Variants in ST3GAL3 observed in about 807,000 individuals in gnomAD.
ST3GAL3 encodes the protein ST3 beta-galactoside alpha-2,3-sialyltransferase 3.
In ST3GAL3, 21 loss-of-function variants were observed where a neutral mutation model predicts 50.1. That is an observed-to-expected ratio of 0.42 (90% CI 0.30 to 0.60). The LOEUF (loss-of-function observed/expected upper bound fraction) is 0.60, where lower values mean the gene tolerates loss of function less well. Among genes scored for constraint, ST3GAL3 ranks in the 20% least tolerant of loss-of-function variants. The pLI, the probability that ST3GAL3 is intolerant of heterozygous loss-of-function variation, is 0.19. For synonymous variants in ST3GAL3, 183 were observed against 190.0 expected, an observed-to-expected ratio of 0.96 and a Z score of 0.30; for missense variants, 353 against 489.4, an observed-to-expected ratio of 0.72 and a Z score of 2.63.
chr1:43,850,820 A>G, intron 5 of ST3GAL3: 1 of 1,076,170 alleles, frequency 9.3e-7, no homozygotes. Context: ...CAGCAACCCC[A>G]GCAATGGTGT....
chr1:43,841,184 G>A (rs2065312661), intron 5 of ST3GAL3: 1 of 152,418 alleles, frequency 6.6e-6, no homozygotes, highest in African/African-American at 2.4e-5. Flanking sequence ...TCAGGTGCAG[G>A]GTGTAAACTG....
intron 2 of ST3GAL3, among the ~76,000 whole-genome samples, chr1:43,770,517 T>C (rs1694738008): frequency 6.6e-6 from 1 of 152,180 alleles, no homozygotes; most frequent in African/African-American, 2.4e-5. Context: ...AAGCAAGCTG[T>C]CCTGGAGGCA....
At chr1:43,832,795 C>A (rs1264917475) in intron 4 of ST3GAL3, among the ~76,000 whole-genome samples, 4 of 152,192 alleles carry the variant, frequency 2.6e-5, no homozygotes, top group Non-Finnish European at 5.9e-5. Flanking sequence ...CTCCTCATGT[C>A]ATTATCCCAG....
chr1:43,923,263 CAAAAAA>C (rs35151641), intron 11 of ST3GAL3, among the ~76,000 whole-genome samples: 6 of 120,312 alleles, frequency 5.0e-5, no homozygotes, highest in Non-Finnish European at 3.5e-5. Context: ...GACCCTGTCT[CAAAAAA>C]AAAAAAAAAA....
intron 2 of ST3GAL3, among the ~76,000 whole-genome samples, chr1:43,785,777 A>G (rs181730896): frequency 9.9e-5 from 15 of 152,166 alleles, no homozygotes; most frequent in Non-Finnish European, 1.5e-5. Flanking sequence ...TTCCCAAAAG[A>G]GAGACCCTAT....
chr1:43,790,476 A>G (rs2057916437), intron 2 of ST3GAL3, among the ~76,000 whole-genome samples: 1 of 152,036 alleles, frequency 6.6e-6, no homozygotes, highest in Admixed American at 6.6e-5. Flanking sequence ...GCCTTACATC[A>G]TCTTGGTGCC....
intron 1 of ST3GAL3, among the ~76,000 whole-genome samples, chr1:43,729,394 A>AT (rs201131541): frequency 0.012 from 1,851 of 152,102 alleles, 40 homozygotes; most frequent in African/African-American, 0.042. Context: ...ATTAAAAACC[A>AT]TTTTTTTCCC....
intron 3 of ST3GAL3, among the ~76,000 whole-genome samples, chr1:43,807,341 A>C (rs1414756796): frequency 2.0e-5 from 3 of 152,046 alleles, no homozygotes; most frequent in Admixed American, 1.3e-4. Context: ...GCTTGAGCCC[A>C]GGGGGCAGAG....
intron 2 of ST3GAL3, among the ~76,000 whole-genome samples, chr1:43,763,782 G>A (rs1297983918): frequency 6.6e-6 from 1 of 152,140 alleles, no homozygotes; most frequent in Non-Finnish European, 1.5e-5. Flanking sequence ...GGAGGGGTGA[G>A]AGGAGAGAGT....
intron 9 of ST3GAL3, chr1:43,917,087 AG>A (rs1288016987): frequency 6.6e-6 from 1 of 152,118 alleles, no homozygotes; most frequent in Non-Finnish European, 1.5e-5. Flanking sequence ...AACAGCTTTG[AG>A]GTCTTTGACA....
chr1:43,898,626 A>G (rs2077748197), intron 7 of ST3GAL3, among the ~76,000 whole-genome samples: 1 of 152,164 alleles, frequency 6.6e-6, no homozygotes, highest in Non-Finnish European at 1.5e-5. Flanking sequence ...GGCAAGGCTT[A>G]AGTCCAGAAG....
chr1:43,727,002 A>G (rs972701204), intron 1 of ST3GAL3, among the ~76,000 whole-genome samples: 3 of 152,180 alleles, frequency 2.0e-5, no homozygotes, highest in Non-Finnish European at 2.9e-5. Context: ...TTCTAATTAC[A>G]TTATTCCTTC....
intron 9 of ST3GAL3, among the ~76,000 whole-genome samples, chr1:43,906,612 C>G (rs2079799298): frequency 6.7e-6 from 1 of 149,764 alleles, no homozygotes; most frequent in South Asian, 2.2e-4. Context: ...TCCTCCTCCT[C>G]CTGCTCTTCT....
At position 43,707,595 on chromosome 1, in the gene ST3GAL3, G is replaced by A. The variant is rs1661936671; in HGVS notation, c.-129G>A. 2.0e-5 allele frequency: 3 copies of A among 151,948 alleles called. No homozygotes were observed. In the South Asian group the frequency reaches 6.2e-4, roughly 31 times the overall value. 9.4% of individuals were successfully genotyped at this position (151,948 alleles called of 1,614,324 possible). A position where few individuals can be genotyped will look rare whatever the true frequency, so the allele number is the denominator to read the frequency against. ...CAGCGCGTTGTGGGCTCCCGCCGGG[G>A]TCCCCCGCGGCTGTCGCCGCCGCCT... On this transcript the variant is annotated 5_prime_UTR_variant, in exon 1 of 12. Transcript: ENST00000347631.
chr1:43,736,463 T>A, intron 2 of ST3GAL3, 83 bp downstream of exon 2: 1 of 1,612,900 alleles, frequency 6.2e-7, no homozygotes, highest in Non-Finnish European at 8.5e-7. Flanking sequence ...CGTCTCATAT[T>A]CTTCAGAGAT....
At chr1:43,877,333 A>G (rs542954517) in intron 5 of ST3GAL3, among the ~76,000 whole-genome samples, 192 of 152,316 alleles carry the variant, frequency 1.3e-3, no homozygotes, top group Non-Finnish European at 2.2e-3. Context: ...TCATCTAGCC[A>G]CGTGGGTGCA....
chr1:43,789,232 T>C (rs1045815742), intron 2 of ST3GAL3, among the ~76,000 whole-genome samples: 3 of 152,034 alleles, frequency 2.0e-5, no homozygotes, highest in African/African-American at 7.2e-5. Flanking sequence ...CAGAGGTGTG[T>C]TTTGGGGGCA....
At chr1:43,906,619 T>C (rs2993621) in intron 9 of ST3GAL3, among the ~76,000 whole-genome samples, 13,271 of 98,690 alleles carry the variant, frequency 0.13, 842 homozygotes, top group South Asian at 0.3. Context: ...CCTCCTGCTC[T>C]TCTTCCTGCC....
intron 1 of ST3GAL3, among the ~76,000 whole-genome samples, chr1:43,714,838 T>C (rs1267591191): frequency 2.0e-5 from 3 of 152,172 alleles, no homozygotes; most frequent in African/African-American, 7.2e-5. Context: ...GTAATGGAAG[T>C]TTAATTCATA....
Sources: gnomAD v4.1 joint callset for allele counts (sites outside exome capture counted in the v4.1 genomes callset) on GRCh38, gnomAD v4.1.1 for gene constraint, MANE v1.5 for transcripts, NCBI Gene and HGNC (gene_info 2026-07-23, HGNC 2026-07-21) for gene names.